Variants in MACROD2 observed in about 807,000 individuals in gnomAD.
MACROD2 encodes ADP-ribose glycohydrolase MACROD2.
A neutral mutation model predicts 70.4 loss-of-function variants in MACROD2; 36 were observed. The observed-to-expected ratio is 0.51, with a 90% confidence interval of 0.39 to 0.68. MACROD2 has a LOEUF of 0.68. MACROD2 is among the 30% of genes least tolerant of loss of function. The probability of loss-of-function intolerance (pLI) is 0.00; values close to 1 mark genes in which losing one functional copy is unlikely to be tolerated. For missense variants in MACROD2, 496 were observed against 538.4 expected (o/e 0.92, Z 0.78); for synonymous variants, 172 against 178.8 (o/e 0.96, Z 0.30).
intron 5 of MACROD2, among the ~76,000 whole-genome samples, chr20:15,176,371 C>A (rs1184795374): frequency 2.0e-5 from 3 of 152,204 alleles, no homozygotes; most frequent in Admixed American, 1.3e-4. Flanking sequence ...ATGAAGTCTG[C>A]AGCCCAGAGT....
intron 2 of MACROD2, among the ~76,000 whole-genome samples, chr20:14,014,251 T>G: frequency 1.5e-5 from 2 of 136,404 alleles, no homozygotes; most frequent in South Asian, 2.8e-4. Flanking sequence ...CCAATAATTT[T>G]TGCATAGGAG....
chr20:14,367,097 C>T (rs2083279884), intron 3 of MACROD2, among the ~76,000 whole-genome samples: 1 of 152,070 alleles, frequency 6.6e-6, no homozygotes, highest in African/African-American at 2.4e-5. Context: ...ATGGGGATAA[C>T]AATTAAAATC....
chr20:15,395,333 G>C (rs2045846593), intron 6 of MACROD2, among the ~76,000 whole-genome samples: 6 of 152,026 alleles, frequency 3.9e-5, no homozygotes. Flanking sequence ...TTGTCTTTCT[G>C]TTGTCTATTT....
chr20:15,460,955 C>T (rs2046800014), intron 7 of MACROD2, among the ~76,000 whole-genome samples: 1 of 127,006 alleles, frequency 7.9e-6, no homozygotes, highest in Non-Finnish European at 1.7e-5. Context: ...AAATAGCTTC[C>T]CTTTAATTAT....
intron 5 of MACROD2, among the ~76,000 whole-genome samples, chr20:15,043,277 GA>G (rs1368549007): frequency 1.3e-5 from 2 of 152,186 alleles, no homozygotes; most frequent in Non-Finnish European, 2.9e-5. Flanking sequence ...GATTTCTCTT[GA>G]AAAATGGGAA....
chr20:15,761,802 A>T (rs956930108), intron 8 of MACROD2, among the ~76,000 whole-genome samples: 47 of 152,228 alleles, frequency 3.1e-4, no homozygotes, highest in African/African-American at 1.1e-3. Context: ...TTCAAAAGAA[A>T]ATAATGCCTG....
rs184831891 is a variant in MACROD2 at position 14,091,836 on chromosome 20, C to T, written c.271+6108C>T. On this transcript the variant is annotated intron_variant, in intron 3 of 17. Transcript: ENST00000684519. ...GTACCAGAGTTTGTTCAACCATTCA[C>T]CCATTGAGGGACATTTGGATTCTTT... Among the ~76,000 whole-genome samples, 496 of 152,210 alleles carry T rather than the reference C, an allele frequency of 3.3e-3. 1 individual carries two copies. Among genetic ancestry groups the T allele is most frequent in the Non-Finnish European group, 4.7e-3 (319 of 67,992 alleles).
At chr20:14,063,050 T>C (rs1601175414) in intron 2 of MACROD2, among the ~76,000 whole-genome samples, 1 of 152,320 alleles carries the variant, frequency 6.6e-6, no homozygotes, top group African/African-American at 2.4e-5. Context: ...ACTTTAGGAA[T>C]TGAAACCAAA....
chr20:14,168,644 A>G (rs1038140257), intron 3 of MACROD2, among the ~76,000 whole-genome samples: 1 of 152,170 alleles, frequency 6.6e-6, no homozygotes, highest in African/African-American at 2.4e-5. Flanking sequence ...TGCCAAATAC[A>G]TAATGTTATG....
intron 2 of MACROD2, among the ~76,000 whole-genome samples, chr20:14,013,998 T>C (rs1429364762): frequency 6.6e-6 from 1 of 152,212 alleles, no homozygotes; most frequent in Non-Finnish European, 1.5e-5. Flanking sequence ...TTTTGATATA[T>C]ATAAACATGA....
intron 7 of MACROD2, among the ~76,000 whole-genome samples, chr20:15,497,592 C>T (rs1424379548): frequency 6.6e-6 from 1 of 152,112 alleles, no homozygotes; most frequent in Non-Finnish European, 1.5e-5. Context: ...ACCTGGCCGC[C>T]TCCTTCTCCT....
At chr20:15,001,158 A>C (rs771673064) in intron 5 of MACROD2, among the ~76,000 whole-genome samples, 11 of 152,178 alleles carry the variant, frequency 7.2e-5, no homozygotes, top group Admixed American at 4.6e-4. Context: ...ACAGTAATAG[A>C]AAATGGCTGT....
intron 5 of MACROD2, among the ~76,000 whole-genome samples, chr20:14,762,407 C>G (rs776518082): frequency 2.6e-5 from 4 of 152,084 alleles, no homozygotes; most frequent in Admixed American, 6.5e-5. Context: ...AGTACTGACT[C>G]AATTTATAAG....
intron 3 of MACROD2, among the ~76,000 whole-genome samples, chr20:14,353,703 A>G (rs1055234819): frequency 1.3e-5 from 2 of 152,190 alleles, no homozygotes; most frequent in Non-Finnish European, 2.9e-5. Flanking sequence ...GGCGCAGACA[A>G]AACCATGGCC....
chr20:15,509,650 T>A (rs1372274724), intron 8 of MACROD2, among the ~76,000 whole-genome samples: 2 of 152,128 alleles, frequency 1.3e-5, no homozygotes, highest in African/African-American at 2.4e-5. Context: ...TGGTAAGAGG[T>A]AGGGTGCAGT....
At chr20:15,172,549 G>A (rs2076430612) in intron 5 of MACROD2, among the ~76,000 whole-genome samples, 1 of 152,078 alleles carries the variant, frequency 6.6e-6, no homozygotes, top group African/African-American at 2.4e-5. Context: ...ACAATATTTG[G>A]CTACTGTTTT....
intron 4 of MACROD2, among the ~76,000 whole-genome samples, chr20:14,616,375 T>C (rs1158266264): frequency 6.6e-6 from 1 of 152,136 alleles, no homozygotes; most frequent in Non-Finnish European, 1.5e-5. Context: ...AATGGTCGCT[T>C]ATACCACAGT....
intron 6 of MACROD2, among the ~76,000 whole-genome samples, chr20:15,380,490 A>C (rs1026940892): frequency 1.3e-5 from 2 of 152,020 alleles, no homozygotes; most frequent in African/African-American, 4.8e-5. Flanking sequence ...ATAAACTTAT[A>C]ATTAATGTTA....
chr20:14,651,603 C>T (rs1288965689), intron 4 of MACROD2, among the ~76,000 whole-genome samples: 1 of 152,178 alleles, frequency 6.6e-6, no homozygotes, highest in Non-Finnish European at 1.5e-5. Flanking sequence ...AACCATATTG[C>T]TATATTGAAA....
Sources: gnomAD v4.1 joint callset for allele counts (sites outside exome capture counted in the v4.1 genomes callset) on GRCh38, gnomAD v4.1.1 for gene constraint, MANE v1.5 for transcripts, NCBI Gene and HGNC (gene_info 2026-07-23, HGNC 2026-07-21) for gene names.